Variants in SOX5 observed in about 807,000 individuals in gnomAD.
SOX5 encodes SRY-box transcription factor 5, also known as transcription factor SOX-5.
SOX5 carries 9 observed loss-of-function variants against 92.0 expected under a neutral mutation model. The ratio of observed to expected loss-of-function variants is 0.10; its 90% CI spans 0.06 to 0.17. The LOEUF is 0.17. SOX5 is among the 10% of genes least tolerant of loss of function. The pLI, the probability that SOX5 is intolerant of heterozygous loss-of-function variation, is 1.00. For missense variants in SOX5, 642 were observed against 944.5 expected, an observed-to-expected ratio of 0.68 and a Z score of 4.20; for synonymous variants, 344 against 336.3, an observed-to-expected ratio of 1.02 and a Z score of -0.25.
chr12:24,050,988 T>G (rs918147625), intron 4 of SOX5, among the ~76,000 whole-genome samples: 1 of 152,132 alleles, frequency 6.6e-6, no homozygotes, highest in African/African-American at 2.4e-5. Flanking sequence ...TCTCTTTTTT[T>G]GTCATAAATT....
chr12:23,535,356 T>C (rs924127077), intron 14 of SOX5, among the ~76,000 whole-genome samples: 1 of 152,194 alleles, frequency 6.6e-6, no homozygotes, highest in Non-Finnish European at 1.5e-5. Context: ...CTCGTAGTGG[T>C]AGGAAGCAGG....
intron 1 of SOX5, among the ~76,000 whole-genome samples, chr12:23,911,152 A>G (rs1437944375): frequency 6.6e-6 from 1 of 152,118 alleles, no homozygotes; most frequent in African/African-American, 2.4e-5. Flanking sequence ...TGCAAAAGGG[A>G]ACAATATTTA....
chr12:24,073,415 A>G (rs1942065186), intron 4 of SOX5, among the ~76,000 whole-genome samples: 2 of 152,156 alleles, frequency 1.3e-5, no homozygotes. Context: ...CTTTATCTCT[A>G]TACTCCTCCA....
chr12:24,468,819 T>C (rs1944490047), intron 1 of SOX5, among the ~76,000 whole-genome samples: 1 of 152,196 alleles, frequency 6.6e-6, no homozygotes, highest in East Asian at 1.9e-4. Context: ...AAAGAAATAC[T>C]ATTTTTACAT....
intron 2 of SOX5, among the ~76,000 whole-genome samples, chr12:24,354,393 G>C (rs1954531343): frequency 1.3e-5 from 2 of 152,274 alleles, no homozygotes; most frequent in African/African-American, 2.4e-5. Flanking sequence ...GAAGGATAAG[G>C]GAGATCATAT....
intron 3 of SOX5, among the ~76,000 whole-genome samples, chr12:24,218,601 G>A (rs2139765796): frequency 6.6e-6 from 1 of 152,134 alleles, no homozygotes; most frequent in South Asian, 2.1e-4. Context: ...ACATTGACAT[G>A]AACACTTGGA....
chr12:24,078,540 A>G (rs567766066), intron 4 of SOX5, among the ~76,000 whole-genome samples: 4 of 152,194 alleles, frequency 2.6e-5, no homozygotes, highest in Non-Finnish European at 5.9e-5. Flanking sequence ...GAAGGCTTTC[A>G]ATCAGGAGGA....
intron 1 of SOX5, among the ~76,000 whole-genome samples, chr12:23,934,821 A>C (rs1942205311): frequency 6.6e-6 from 1 of 151,304 alleles, no homozygotes; most frequent in Admixed American, 6.6e-5. Flanking sequence ...ATAATCTCCA[A>C]TTCACAGATT....
intron 4 of SOX5, chr12:24,212,592 T>G (rs1206285925): frequency 4.3e-6 from 2 of 466,838 alleles, no homozygotes; most frequent in Non-Finnish European, 8.6e-6. Flanking sequence ...TGAGCATTGT[T>G]GAAACAACCA....
intron 3 of SOX5, among the ~76,000 whole-genome samples, chr12:23,825,520 GC>G (rs992534462): frequency 1.2e-4 from 19 of 152,264 alleles, no homozygotes; most frequent in African/African-American, 4.6e-4. Context: ...TTCCTATTCG[GC>G]CATCTTGCCC....
At chr12:24,322,950 T>C (rs1950343788) in intron 2 of SOX5, among the ~76,000 whole-genome samples, 1 of 152,128 alleles carries the variant, frequency 6.6e-6, no homozygotes, top group Non-Finnish European at 1.5e-5. Flanking sequence ...AAACACAAAC[T>C]ATGTGTTACT....
chr12:24,525,638 G>A (rs10842364), intron 1 of SOX5, among the ~76,000 whole-genome samples: 90,012 of 151,940 alleles, frequency 0.59, 27,647 homozygotes, highest in East Asian at 0.98. Flanking sequence ...TTGGGAGGCC[G>A]AGGCGAATGG....
At chr12:23,881,492 A>C (rs1055437988) in intron 2 of SOX5, among the ~76,000 whole-genome samples, 1 of 152,172 alleles carries the variant, frequency 6.6e-6, no homozygotes, top group Non-Finnish European at 1.5e-5. Context: ...AAGTCCCCCA[A>C]TTTAAGAGAA....
intron 2 of SOX5, among the ~76,000 whole-genome samples, chr12:24,293,063 A>G (rs76726411): frequency 1.4e-4 from 21 of 152,182 alleles, no homozygotes; most frequent in Non-Finnish European, 1.9e-4. Context: ...CTGACATCAC[A>G]TGTAGTCACT....
intron 1 of SOX5, among the ~76,000 whole-genome samples, chr12:24,461,728 T>C (rs182788080): frequency 1.5e-3 from 226 of 152,354 alleles, no homozygotes; most frequent in Admixed American, 2.5e-3. Flanking sequence ...CTCTGGCAGT[T>C]ATGATAGCCA....
At chr12:24,261,178 ACTATAT>A (rs1047233655) in intron 3 of SOX5, among the ~76,000 whole-genome samples, 2 of 151,710 alleles carry the variant, frequency 1.3e-5, no homozygotes, top group African/African-American at 4.8e-5. Context: ...AGGAAAAAAA[ACTATAT>A]CTACAGCAAA....
chr12:23,708,048 A>G (rs2091625744), intron 6 of SOX5, among the ~76,000 whole-genome samples: 1 of 152,146 alleles, frequency 6.6e-6, no homozygotes, highest in African/African-American at 2.4e-5. Flanking sequence ...TCTCCTCTCA[A>G]TGAGAGAAGA....
intron 3 of SOX5, among the ~76,000 whole-genome samples, chr12:23,789,498 T>A (rs1555343109): frequency 1.3e-5 from 2 of 152,108 alleles, no homozygotes; most frequent in Non-Finnish European, 2.9e-5. Flanking sequence ...TATGTTTCTT[T>A]TTAGGATATT....
intron 1 of SOX5, among the ~76,000 whole-genome samples, chr12:24,409,982 T>C (rs945640501): frequency 2.0e-5 from 3 of 151,332 alleles, no homozygotes; most frequent in African/African-American, 7.3e-5. Flanking sequence ...GTCCTTTCAA[T>C]AGGATCTTTC....
Sources: gnomAD v4.1 joint callset for allele counts (sites outside exome capture counted in the v4.1 genomes callset) on GRCh38, gnomAD v4.1.1 for gene constraint, MANE v1.5 for transcripts, NCBI Gene and HGNC (gene_info 2026-07-23, HGNC 2026-07-21) for gene names.